The following FBRSL1 variants were observed in gnomAD, a reference collection of about 807,000 sequenced individuals.
The protein encoded by FBRSL1 is fibrosin-1-like protein.
Under a neutral mutation model 89.6 loss-of-function variants are expected in FBRSL1, and 51 were observed. That is an observed-to-expected ratio of 0.57 (90% confidence interval 0.45 to 0.72). The LOEUF is 0.72. Ranked by LOEUF, FBRSL1 falls within the 30% of genes least tolerant of loss-of-function variation. FBRSL1 has a pLI of 0.00. For missense variants in FBRSL1, 1,618 were observed against 1,451.8 expected (o/e 1.11, Z -1.86); for synonymous variants, 779 against 681.1 (o/e 1.14, Z -2.24).
chr12:132,529,333 C>A (rs1309688634), intron 4 of FBRSL1, among the ~76,000 whole-genome samples: 1 of 152,208 alleles, frequency 6.6e-6, no homozygotes, highest in East Asian at 1.9e-4. Context: ...GAGCAGGAAG[C>A]GGCAAGGGAG....
Position 132,573,600 on chromosome 12 carries a change from G to C in FBRSL1, c.1531-490G>C, listed in dbSNP as rs192944121. Reference sequence around the variant, plus strand: ...AAGGAATCTGTCCCGGCCGCACCCCGAGCACAGCTGCTTCTGGGCAGGGTG... The same window carrying C: ...AAGGAATCTGTCCCGGCCGCACCCCCAGCACAGCTGCTTCTGGGCAGGGTG... On this transcript the variant is annotated intron_variant, in intron 11 of 18. Coordinates refer to ENST00000680143, the MANE Select transcript of FBRSL1 (RefSeq NM_001367871.1). Among the ~76,000 whole-genome samples the C allele has an allele frequency of 2.2e-3, 341 of 152,298 alleles. 3 individuals carry two copies. Among genetic ancestry groups the C allele is most frequent in the African/African-American group, 7.1e-3 (294 of 41,572 alleles).
At chr12:132,557,279 G>A (rs1191517972) in intron 5 of FBRSL1, among the ~76,000 whole-genome samples, 4 of 152,208 alleles carry the variant, frequency 2.6e-5, no homozygotes, top group Non-Finnish European at 1.5e-5. Flanking sequence ...ATGTATATTT[G>A]GCCTGGAAGC....
At chr12:132,542,963 C>T (rs922313808) in intron 4 of FBRSL1, among the ~76,000 whole-genome samples, 3 of 152,234 alleles carry the variant, frequency 2.0e-5, no homozygotes, top group Admixed American at 1.3e-4. Flanking sequence ...CCAACCCCAA[C>T]CCGTAGCCGC....
chr12:132,518,446 CTCAT>C (rs1379178084), intron 2 of FBRSL1, among the ~76,000 whole-genome samples: 9 of 147,976 alleles, frequency 6.1e-5, no homozygotes, highest in African/African-American at 2.3e-4. Flanking sequence ...TGTAGTGTAT[CTCAT>C]CCATCCATCC....
chr12:132,561,846 T>C (rs553117040), intron 5 of FBRSL1, among the ~76,000 whole-genome samples: 1 of 152,278 alleles, frequency 6.6e-6, no homozygotes, highest in East Asian at 1.9e-4. Context: ...GGGTGTTCAG[T>C]GCCTGGTTCA....
rs947115833 is a variant in FBRSL1 at position 132,575,673 on chromosome 12, G to C, written c.1701+1109G>C. On this transcript the variant is annotated intron_variant, in intron 14 of 18. Transcript: ENST00000680143. Reference sequence around the variant, plus strand: ...GTTTTGTCCTTGGAACTCGGGGCATGGTTGCTCCACAGAGGAGGGCAGATC... The same window carrying C: ...GTTTTGTCCTTGGAACTCGGGGCATCGTTGCTCCACAGAGGAGGGCAGATC... Among the ~76,000 whole-genome samples, 32 of 152,284 alleles carry C rather than the reference G, an allele frequency of 2.1e-4. 1 individual carries two copies. Among genetic ancestry groups the C allele is most frequent in the Non-Finnish European group, 1.0e-4 (7 of 68,052 alleles).
At chr12:132,568,916 A>C (rs535035289) in intron 6 of FBRSL1, among the ~76,000 whole-genome samples, 97 of 152,112 alleles carry the variant, frequency 6.4e-4, no homozygotes, top group African/African-American at 2.2e-3. Flanking sequence ...GAGGCCCCAG[A>C]AGACCAGGCC....
Position 132,570,521 on chromosome 12 carries a change from C to T in FBRSL1, c.1194C>T (p.Val398=), listed in dbSNP as rs1393362679. The change falls in exon 8 of 19, where the codon GTC becomes GTT. Residue 398 remains valine, a synonymous_variant. Transcript: ENST00000680143. ...CGGCGCTGCCGGCCAGCAGCCTGGT[C>T]CTCCCAGGACACCCGGCCGGTAGGT... The part of the protein sequence containing the change: ...PPPALPASSL[V]LPGHPADASL... 7.9e-6 allele frequency: 12 copies of T among 1,516,878 alleles called. No individual in the cohort carries two copies. Among genetic ancestry groups the T allele is most frequent in the Non-Finnish European group, 1.1e-5 (12 of 1,136,226 alleles). 94.0% of individuals were successfully genotyped at this position (1,516,878 alleles called of 1,614,324 possible).
At chr12:132,498,937 C>T (rs80059826) in intron 1 of FBRSL1, among the ~76,000 whole-genome samples, 42,374 of 152,180 alleles carry the variant, frequency 0.28, 6,063 homozygotes, top group Non-Finnish European at 0.3. Context: ...GTCCCGTGGC[C>T]ACCTGCCCAT....
intron 14 of FBRSL1, among the ~76,000 whole-genome samples, chr12:132,574,858 G>C (rs1022619209): frequency 1.3e-5 from 2 of 152,108 alleles, no homozygotes; most frequent in East Asian, 3.9e-4. Flanking sequence ...AGCTCCCCAC[G>C]TCACTGGGGT....
Position 132,490,461 on chromosome 12 carries a change from C to T in FBRSL1, c.-110C>T. Reference sequence around the variant, plus strand: ...CCCGCCGCCGCCCAGGGCCCGAGCCCGCGCGGCGCACACTCAGCCCGGCGG... The same window carrying T: ...CCCGCCGCCGCCCAGGGCCCGAGCCTGCGCGGCGCACACTCAGCCCGGCGG... On this transcript the variant is annotated 5_prime_UTR_variant, in exon 1 of 19. Transcript: ENST00000680143. 2 of 785,424 alleles carry T rather than the reference C, an allele frequency of 2.5e-6. No homozygotes were observed. Among genetic ancestry groups the T allele is most frequent in the South Asian group, 5.9e-5 (1 of 16,916 alleles). The allele number at this position is 785,424 out of a possible 1,614,324, so 48.7% of individuals were successfully genotyped here.
intron 1 of FBRSL1, among the ~76,000 whole-genome samples, chr12:132,498,322 A>G (rs550933360): frequency 6.6e-6 from 1 of 152,262 alleles, no homozygotes; most frequent in South Asian, 2.1e-4. Flanking sequence ...TGCGGGACCC[A>G]CAGGCCCCCA....
rs561093010 is a variant in FBRSL1 at position 132,569,618 on chromosome 12, G to A, written c.692-308G>A. On this transcript the variant is annotated intron_variant, in intron 6 of 18. Transcript: ENST00000680143. ...TGAGGTCATAGCAGCCCCTGTCCAG[G>A]GACTGACTCTTGCAGGGCCTGTCCT... Among the ~76,000 whole-genome samples, 548 of 152,246 alleles carry A rather than the reference G, an allele frequency of 3.6e-3. 3 individuals carry two copies. Among genetic ancestry groups the A allele is most frequent in the African/African-American group, 0.012 (511 of 41,556 alleles).
In FBRSL1 at chr12:132,581,844, C is replaced by T. The variant is rs1193380291; in HGVS notation, c.1996+20C>T. 8 of 1,515,026 alleles carry T rather than the reference C, an allele frequency of 5.3e-6. No individual in the cohort carries two copies. The highest frequency in any genetic ancestry group is 4.2e-5 in the Admixed American group (2 of 47,254). 93.8% of individuals were successfully genotyped at this position (1,515,026 alleles called of 1,614,324 possible). ...CACTGGGTGAGTGACCCAGCCTGTGCCCCCCTCCCCCGATGCCCGCGCCCC... is the reference window on the plus strand; with the variant it reads ...CACTGGGTGAGTGACCCAGCCTGTGTCCCCCTCCCCCGATGCCCGCGCCCC... On this transcript the variant is annotated intron_variant, in intron 17 of 18. Transcript: ENST00000680143.
intron 4 of FBRSL1, among the ~76,000 whole-genome samples, chr12:132,545,537 C>A (rs1015800625): frequency 9.9e-5 from 15 of 152,266 alleles, no homozygotes; most frequent in African/African-American, 3.4e-4. Flanking sequence ...TGTCTCCTTG[C>A]TGTTGGATGC....
chr12:132,514,969 A>G (rs1310971061), intron 2 of FBRSL1, among the ~76,000 whole-genome samples: 1 of 152,068 alleles, frequency 6.6e-6, no homozygotes, highest in Non-Finnish European at 1.5e-5. Context: ...GGTGTTTTAC[A>G]TTTACAACAC....
chr12:132,549,915 G>A (rs2038005683), intron 5 of FBRSL1, among the ~76,000 whole-genome samples: 1 of 152,242 alleles, frequency 6.6e-6, no homozygotes, highest in African/African-American at 2.4e-5. Context: ...ATGGGGTCAG[G>A]TGGAGTCTGC....
chr12:132,496,082 C>T (rs899157983), intron 1 of FBRSL1, among the ~76,000 whole-genome samples: 7 of 152,362 alleles, frequency 4.6e-5, no homozygotes, highest in African/African-American at 4.8e-5. Context: ...GGCTACGCCG[C>T]GTGCCTGCAC....
Position 132,490,847 on chromosome 12 carries a change from C to A in FBRSL1, c.277C>A (p.Leu93Met). 7.1e-7 allele frequency: 1 copy of A among 1,412,702 alleles called. No individual in the cohort carries two copies. Among genetic ancestry groups the A allele is most frequent in the Non-Finnish European group, 9.3e-7 (1 of 1,079,036 alleles). The allele number at this position is 1,412,702 out of a possible 1,614,324, so 87.5% of individuals were successfully genotyped here. Reference sequence around the variant, plus strand: ...CTTCGCCATCGCCAGCTTCAGCACCCTGGAGGCCCTGGAGGTAGGTGGACG... The same window carrying A: ...CTTCGCCATCGCCAGCTTCAGCACCATGGAGGCCCTGGAGGTAGGTGGACG... The part of the protein sequence containing the change: ...DGFAIASFST[L>M]EALEKDMALK... Residue 93 changes from leucine to methionine, a missense_variant, in exon 1 of 19, where the codon CTG becomes ATG. By Grantham distance (15) the Leu-to-Met change is conservative. Transcript: ENST00000680143.
Sources: gnomAD v4.1 joint callset for allele counts (sites outside exome capture counted in the v4.1 genomes callset) on GRCh38, gnomAD v4.1.1 for gene constraint, MANE v1.5 for transcripts, NCBI Gene and HGNC (gene_info 2026-07-23, HGNC 2026-07-21) for gene names.